ZFR: variants seen among roughly 807,000 people sequenced by gnomAD.
ZFR encodes the protein zinc finger RNA binding protein.
Under a neutral mutation model 130.7 loss-of-function variants are expected in ZFR, and 19 were observed. The observed-to-expected ratio is 0.15, with a 90% CI of 0.10 to 0.21. The LOEUF is 0.21. Among genes scored for constraint, ZFR ranks in the 10% least tolerant of loss-of-function variants. The pLI, the probability that ZFR is intolerant of heterozygous loss-of-function variation, is 1.00. For synonymous variants in ZFR, 466 were observed against 456.9 expected, an observed-to-expected ratio of 1.02 and a Z score of -0.25; for missense variants, 872 against 1,321.5, an observed-to-expected ratio of 0.66 and a Z score of 5.27.
chr5:32,413,246 A>C (rs1293873514), intron 5 of ZFR, among the ~76,000 whole-genome samples: 1 of 152,008 alleles, frequency 6.6e-6, no homozygotes, highest in African/African-American at 2.4e-5. Flanking sequence ...AACAAAAAAA[A>C]CCTGATATAA....
intron 11 of ZFR, among the ~76,000 whole-genome samples, chr5:32,393,242 A>T (rs1753221616): frequency 6.6e-6 from 1 of 152,230 alleles, no homozygotes; most frequent in African/African-American, 2.4e-5. Context: ...GATTAAATAT[A>T]TCGTGTAATA....
intron 5 of ZFR, among the ~76,000 whole-genome samples, chr5:32,409,005 A>G (rs1056842673): frequency 1.3e-5 from 2 of 152,182 alleles, no homozygotes; most frequent in Non-Finnish European, 2.9e-5. Context: ...ATGTGTACAG[A>G]CATATTGGAG....
chr5:32,406,634 A>T (rs1317370288), intron 6 of ZFR, 140 bp downstream of exon 6: 1 of 1,189,584 alleles, frequency 8.4e-7, no homozygotes, highest in Non-Finnish European at 1.1e-6. Flanking sequence ...CTCATGCCAC[A>T]ATACAAGTAA....
chr5:32,410,607 CA>C (rs375000423), intron 5 of ZFR, among the ~76,000 whole-genome samples: 2 of 150,204 alleles, frequency 1.3e-5, no homozygotes, highest in African/African-American at 4.9e-5. Context: ...GACCTAGTCT[CA>C]AAAAAAAAAT....
In ZFR at chr5:32,388,684, AAC is replaced by A. The variant is rs770714100; in HGVS notation, c.2143-12_2143-11del. The A allele has an allele frequency of 8.2e-6, 13 of 1,576,970 alleles. No homozygotes were observed. In the Admixed American group the frequency reaches 1.3e-4, roughly 16 times the overall value. ...CAGGACGACGTAAGGGCTACAGAGA[AAC>A]AAAGTTGCTCAATTTAAAAAAAAGT... is the stretch of plus-strand genomic sequence containing the variant. On this transcript the variant is annotated splice_polypyrimidine_tract_variant and intron_variant, in intron 12 of 19. Transcript: ENST00000265069.
At chr5:32,390,909 T>C (rs1423986724) in intron 11 of ZFR, among the ~76,000 whole-genome samples, 1 of 152,162 alleles carries the variant, frequency 6.6e-6, no homozygotes, top group East Asian at 1.9e-4. Flanking sequence ...TGGGGACACA[T>C]TAAGGGTGTT....
chr5:32,416,614 C>CAACA lies in ZFR; in HGVS notation c.565+1033_565+1034insTGTT, dbSNP rs1554073743. 4.5e-5 allele frequency among the ~76,000 whole-genome samples: 6 copies of CAACA among 132,790 alleles called. 1 individual carries two copies. Among genetic ancestry groups the CAACA allele is most frequent in the Non-Finnish European group, 7.8e-5 (5 of 63,800 alleles). 87.1% of individuals were successfully genotyped at this position (132,790 alleles called of 152,430 possible). ...GGGCGACAAGAGTGAAACTCCGTCT[C>CAACA]AAAAAAAAAAAAAAGAGAAGAGACC... On this transcript the variant is annotated intron_variant, in intron 4 of 19. Transcript: ENST00000265069.
At chr5:32,432,416 C>T (rs896265766) in intron 2 of ZFR, among the ~76,000 whole-genome samples, 4 of 152,096 alleles carry the variant, frequency 2.6e-5, no homozygotes, top group African/African-American at 7.2e-5. Flanking sequence ...TGATGTTGAG[C>T]GTCTTTTCAT....
chr5:32,444,092 C>T, intron 2 of ZFR, 137 bp downstream of exon 2: 1 of 785,804 alleles, frequency 1.3e-6, no homozygotes, highest in East Asian at 4.7e-5. Flanking sequence ...GGAGAGGCCG[C>T]CGGGCTGGGC....
chr5:32,385,461 T>C (rs539201779), intron 15 of ZFR, 47 bp downstream of exon 15: 6 of 1,598,254 alleles, frequency 3.8e-6, no homozygotes, highest in South Asian at 1.1e-5. Flanking sequence ...AGTAGATAAA[T>C]GAAAAAAAAA....
chr5:32,395,422 A>C, intron 10 of ZFR, 118 bp from the exon 11 acceptor site: 1 of 708,708 alleles, frequency 1.4e-6, no homozygotes, highest in Non-Finnish European at 2.0e-6. Flanking sequence ...CAAGTTTCCC[A>C]CTAGAGAGTA....
rs1752280783 is a variant in ZFR, at chr5:32,355,310, G to C, written c.*450C>G. 6.6e-6 allele frequency: 1 copy of C among 152,348 alleles called. No individual in the cohort carries two copies. Among genetic ancestry groups the C allele is most frequent in the African/African-American group, 2.4e-5 (1 of 41,426 alleles). The allele number at this position is 152,348 out of a possible 1,614,324, so 9.4% of individuals were successfully genotyped here. ...CGTACTGCTGTAAAATATTAAGAAG[G>C]GGTAAAGGATACCATCTATAACAAA... On this transcript the variant is annotated 3_prime_UTR_variant, in exon 20 of 20. Transcript: ENST00000265069.
chr5:32,389,590 CG>C (rs1753117147), intron 12 of ZFR, among the ~76,000 whole-genome samples: 1 of 151,988 alleles, frequency 6.6e-6, no homozygotes, highest in Non-Finnish European at 1.5e-5. Context: ...GCTGAGGCTT[CG>C]GTGAGCTATG....
chr5:32,387,697 G>A lies in ZFR; in HGVS notation c.2351C>T (p.Ala784Val), dbSNP rs746938360. The A allele has an allele frequency of 6.2e-7, 1 of 1,605,258 alleles. No homozygotes were observed. Among genetic ancestry groups the A allele is most frequent in the Non-Finnish European group, 8.5e-7 (1 of 1,175,658 alleles). ...TCCCACTCGCAAAACTCCTTTCAAA[G>A]CTCTGCAGTAAAATAAAATTATATT... ...DDKKEGGKDR[A>V]LKGVLRVGVL... Residue 784 changes from alanine (A) to valine (V), a missense_variant and splice_region_variant, in exon 14 of 20, where the codon GCT becomes GTT. Ala to Val is a moderately conservative substitution (Grantham distance 64). Transcript: ENST00000265069.
intron 2 of ZFR, among the ~76,000 whole-genome samples, chr5:32,431,716 T>C (rs1410869448): frequency 1.3e-5 from 2 of 151,538 alleles, no homozygotes; most frequent in African/African-American, 2.4e-5. Context: ...TGGCATTTTA[T>C]GTATCTACGA....
At chr5:32,442,720 AT>A (rs11311732) in intron 2 of ZFR, among the ~76,000 whole-genome samples, 2,854 of 151,186 alleles carry the variant, frequency 0.019, 85 homozygotes, top group African/African-American at 0.066. Flanking sequence ...AACTGGCAGC[AT>A]TTTTTTTTAG....
intron 17 of ZFR, among the ~76,000 whole-genome samples, chr5:32,370,568 G>A (rs1240700468): frequency 1.2e-4 from 18 of 152,070 alleles, no homozygotes. Flanking sequence ...GTAGACATAG[G>A]GTCTTGCTAT....
chr5:32,361,636 T>TTTA (rs1752433116), intron 19 of ZFR, among the ~76,000 whole-genome samples: 1 of 149,614 alleles, frequency 6.7e-6, no homozygotes, highest in African/African-American at 2.5e-5. Context: ...TTTTTTTTTT[T>TTTA]GAGATGGAGT....
chr5:32,414,444 T>C (rs943749387), intron 5 of ZFR, among the ~76,000 whole-genome samples: 3 of 152,178 alleles, frequency 2.0e-5, no homozygotes, highest in African/African-American at 7.2e-5. Flanking sequence ...GGGAGAAATA[T>C]ATAATTATTT....
Sources: gnomAD v4.1 joint callset for allele counts (sites outside exome capture counted in the v4.1 genomes callset) on GRCh38, gnomAD v4.1.1 for gene constraint, MANE v1.5 for transcripts, NCBI Gene and HGNC (gene_info 2026-07-23, HGNC 2026-07-21) for gene names.